The following GIPC2 variants were observed in gnomAD, a reference collection of about 807,000 sequenced individuals.
GIPC2 encodes GIPC PDZ domain containing family member 2.
Under a neutral mutation model 30.6 loss-of-function variants are expected in GIPC2, and 30 were observed. That is an observed-to-expected ratio of 0.98 (90% CI 0.73 to 1.33). The LOEUF is 1.33. Ranked by LOEUF, GIPC2 falls within the 40% of genes most tolerant of loss-of-function variation. The pLI is 0.00. For synonymous variants in GIPC2, 167 were observed against 150.0 expected, an observed-to-expected ratio of 1.11 and a Z score of -0.83; for missense variants, 414 against 390.3, an observed-to-expected ratio of 1.06 and a Z score of -0.51.
At chr1:78,087,822 A>C (rs531870106) in intron 2 of GIPC2, among the ~76,000 whole-genome samples, 3 of 152,292 alleles carry the variant, frequency 2.0e-5, no homozygotes, top group African/African-American at 7.2e-5. Flanking sequence ...GAGTAAACAG[A>C]CAACCTACAG....
upstream of GIPC2, chr1:78,045,465 T>C (rs531536464): frequency 1.9e-5 from 12 of 634,194 alleles, no homozygotes; most frequent in South Asian, 7.0e-4. Flanking sequence ...GCGTGCTGAA[T>C]GTTGGGAGAG....
At chr1:78,127,245 A>C (rs1662799290) in intron 5 of GIPC2, among the ~76,000 whole-genome samples, 1 of 152,214 alleles carries the variant, frequency 6.6e-6, no homozygotes, top group East Asian at 1.9e-4. Context: ...AAAAGACAAA[A>C]CAAATTTACC....
At chr1:78,114,661 T>C (rs1388574896) in intron 3 of GIPC2, among the ~76,000 whole-genome samples, 1 of 152,054 alleles carries the variant, frequency 6.6e-6, no homozygotes, top group Non-Finnish European at 1.5e-5. Flanking sequence ...CTGGGATGTA[T>C]AGGAGGAGCT....
At chr1:78,091,699 A>T in intron 2 of GIPC2, 2 of 773,936 alleles carry the variant, frequency 2.6e-6, no homozygotes. Context: ...TGATGACCCT[A>T]GAAAGCACAT....
chr1:78,106,337 A>T (rs890772432), intron 3 of GIPC2, among the ~76,000 whole-genome samples: 1 of 151,960 alleles, frequency 6.6e-6, no homozygotes, highest in Non-Finnish European at 1.5e-5. Context: ...AGATGGGCGG[A>T]TCACGAGGTC....
At chr1:78,089,262 T>C (rs1393595387) in intron 2 of GIPC2, among the ~76,000 whole-genome samples, 1 of 152,154 alleles carries the variant, frequency 6.6e-6, no homozygotes, top group Non-Finnish European at 1.5e-5. Context: ...AGATCACTTA[T>C]TTACTGGCTG....
At chr1:78,066,335 T>C (rs973552016) in intron 1 of GIPC2, among the ~76,000 whole-genome samples, 9 of 152,184 alleles carry the variant, frequency 5.9e-5, no homozygotes, top group Non-Finnish European at 2.9e-5. Context: ...CACAGTGATA[T>C]ACCGTCTCAT....
intron 3 of GIPC2, among the ~76,000 whole-genome samples, chr1:78,114,664 G>C (rs557732418): frequency 1.2e-4 from 18 of 152,232 alleles, no homozygotes; most frequent in African/African-American, 4.3e-4. Context: ...GGATGTATAG[G>C]AGGAGCTCAG....
chr1:78,099,038 A>T (rs1662193440), intron 3 of GIPC2, among the ~76,000 whole-genome samples: 1 of 152,186 alleles, frequency 6.6e-6, no homozygotes, highest in Admixed American at 6.5e-5. Context: ...TTCTTTGACT[A>T]TGGAAGTAGA....
At chr1:78,091,012 T>A (rs1363310872) in intron 2 of GIPC2, among the ~76,000 whole-genome samples, 1 of 152,242 alleles carries the variant, frequency 6.6e-6, no homozygotes, top group Non-Finnish European at 1.5e-5. Context: ...TGATAGATTA[T>A]TTTGGACATT....
At chr1:78,091,580 T>C in intron 2 of GIPC2, 1 of 759,446 alleles carries the variant, frequency 1.3e-6, no homozygotes, top group Non-Finnish European at 2.5e-6. Flanking sequence ...CTCGGCCAAG[T>C]CCTTCGCGAT....
chr1:78,087,908 A>T (rs965357863), intron 2 of GIPC2, among the ~76,000 whole-genome samples: 51 of 152,072 alleles, frequency 3.4e-4, no homozygotes, highest in African/African-American at 1.2e-3. Context: ...AAGTTACCAG[A>T]AAAAAAAGAC....
chr1:78,126,658 T>C (rs1662788642), intron 5 of GIPC2, among the ~76,000 whole-genome samples: 1 of 152,174 alleles, frequency 6.6e-6, no homozygotes. Context: ...CATCAGGATA[T>C]GATTTCTCTT....
intron 1 of GIPC2, among the ~76,000 whole-genome samples, chr1:78,046,616 G>A (rs977462385): frequency 7.9e-5 from 12 of 152,160 alleles, no homozygotes; most frequent in Admixed American, 2.0e-4. Context: ...TTGCAAATGT[G>A]TTTGCTCCAG....
At chr1:78,071,085 T>A (rs1362985606) in intron 1 of GIPC2, among the ~76,000 whole-genome samples, 2 of 152,170 alleles carry the variant, frequency 1.3e-5, no homozygotes, top group East Asian at 3.8e-4. Flanking sequence ...TGTTTCTAGA[T>A]GACTGTAGCT....
In GIPC2 at chr1:78,046,200, C is replaced by T. The variant is rs746152861; in HGVS notation, c.106C>T (p.Arg36Trp). 5 of 1,586,646 alleles carry T rather than the reference C, an allele frequency of 3.2e-6. No homozygotes were observed. Among genetic ancestry groups the T allele is most frequent in the South Asian group, 1.1e-5 (1 of 87,976 alleles). Reference protein sequence around the residue: ...GAGGGSLSASRAPARRLVFHA... With the variant: ...GAGGGSLSASWAPARRLVFHA... ...GGGCGGCGGGAGCCTCTCAGCGTCC[C>T]GGGCTCCCGCACGCAGGCTGGTCTT... The change falls in exon 1 of 6, where the codon CGG (arginine) becomes TGG (tryptophan). Residue 36 changes from arginine to tryptophan, a missense_variant. Arg to Trp is a moderately radical substitution (Grantham distance 101, BLOSUM62 -3). Transcript: ENST00000370759.
chr1:78,092,587 A>T (rs1162145157), intron 2 of GIPC2, among the ~76,000 whole-genome samples: 1 of 152,194 alleles, frequency 6.6e-6, no homozygotes, highest in African/African-American at 2.4e-5. Flanking sequence ...AAAGCACATT[A>T]GGTTTCAGAA....
intron 1 of GIPC2, among the ~76,000 whole-genome samples, chr1:78,071,159 A>G (rs1334121661): frequency 6.6e-6 from 1 of 152,218 alleles, no homozygotes; most frequent in East Asian, 1.9e-4. Context: ...AACTAATCCT[A>G]GAAATTTAGT....
At chr1:78,132,069 A>G (rs925837139) in intron 5 of GIPC2, among the ~76,000 whole-genome samples, 1 of 152,250 alleles carries the variant, frequency 6.6e-6, no homozygotes, top group Non-Finnish European at 1.5e-5. Flanking sequence ...TCACAAAAGT[A>G]GTGAATTCAC....
Sources: gnomAD v4.1 joint callset for allele counts (sites outside exome capture counted in the v4.1 genomes callset) on GRCh38, gnomAD v4.1.1 for gene constraint, MANE v1.5 for transcripts, NCBI Gene and HGNC (gene_info 2026-07-23, HGNC 2026-07-21) for gene names.